Variants in SUPT20H observed in about 807,000 individuals in gnomAD.
The protein encoded by SUPT20H is SPT20 homolog, SAGA complex component.
SUPT20H carries 82 observed loss-of-function variants against 122.8 expected under a neutral mutation model. The observed-to-expected ratio is 0.67, with a 90% CI of 0.56 to 0.80. SUPT20H has a LOEUF of 0.80. Among genes scored for constraint, SUPT20H ranks in the 30% least tolerant of loss-of-function variants. The pLI, the probability that SUPT20H is intolerant of heterozygous loss-of-function variation, is 0.00. For synonymous variants in SUPT20H, 291 were observed against 313.0 expected (o/e 0.93, Z 0.74); for missense variants, 831 against 921.6 (o/e 0.90, Z 1.27).
At chr13:37,012,023 G>GA (rs968918656) in intron 24 of SUPT20H, among the ~76,000 whole-genome samples, 169 bp downstream of exon 24, 18 of 151,774 alleles carry the variant, frequency 1.2e-4, no homozygotes, top group African/African-American at 1.7e-4. Flanking sequence ...CACTATCAAT[G>GA]AAAAAAAATC....
At chr13:37,053,499 A>C (rs2068202451) in intron 1 of SUPT20H, among the ~76,000 whole-genome samples, 1 of 151,896 alleles carries the variant, frequency 6.6e-6, no homozygotes, top group African/African-American at 2.4e-5. Flanking sequence ...CAGGGAGGGG[A>C]ACATCACACG....
chr13:37,019,264 G>GATA (rs1398746752), intron 22 of SUPT20H, 78 bp downstream of exon 22: 1 of 1,053,508 alleles, frequency 9.5e-7, no homozygotes, highest in Non-Finnish European at 1.4e-6. Context: ...TTCAAGTGCT[G>GATA]ATACATATAG....
In SUPT20H at chr13:37,025,306, T is replaced by C. The variant is rs375854192; in HGVS notation, c.1329+14A>G. 482 of 1,572,870 alleles carry C rather than the reference T, an allele frequency of 3.1e-4. No individual in the cohort carries two copies. The highest frequency in any genetic ancestry group is 4.1e-4 in the Non-Finnish European group (464 of 1,142,716). On this transcript the variant is annotated intron_variant, in intron 17 of 25. Coordinates refer to ENST00000350612, the MANE Select transcript of SUPT20H (RefSeq NM_001014286.3). ...AACAACTGGGCACAAAGAAGTAACA[T>C]TAATGAAACACACATCTGTTTCTTT...
intron 13 of SUPT20H, 116 bp from the exon 14 acceptor site, chr13:37,028,421 C>T: frequency 2.2e-6 from 2 of 926,930 alleles, no homozygotes; most frequent in Non-Finnish European, 3.2e-6. Flanking sequence ...GGAAGACACA[C>T]AGCACTTAGG....
intron 10 of SUPT20H, among the ~76,000 whole-genome samples, 169 bp downstream of exon 10, chr13:37,033,280 C>T (rs1353191991): frequency 6.6e-6 from 1 of 151,946 alleles, no homozygotes; most frequent in Non-Finnish European, 1.5e-5. Context: ...GTGGGAGGAT[C>T]ACTTGAGGCC....
chr13:37,019,730 G>A (rs529809963), intron 21 of SUPT20H, among the ~76,000 whole-genome samples: 164 of 152,226 alleles, frequency 1.1e-3, no homozygotes, highest in Non-Finnish European at 1.6e-3. Flanking sequence ...TCACTGCTGT[G>A]CAAATACATT....
chr13:37,035,339 T>C (rs886250702), intron 9 of SUPT20H, among the ~76,000 whole-genome samples: 3 of 152,154 alleles, frequency 2.0e-5, no homozygotes, highest in Non-Finnish European at 4.4e-5. Flanking sequence ...TGGGAGAAGT[T>C]GATTCCAACC....
chr13:37,036,469 C>T (rs1348632441), intron 9 of SUPT20H, among the ~76,000 whole-genome samples: 6 of 151,938 alleles, frequency 3.9e-5, no homozygotes, highest in Admixed American at 6.6e-5. Context: ...GGACTACAAG[C>T]GCACGCCACC....
intron 2 of SUPT20H, among the ~76,000 whole-genome samples, chr13:37,050,514 A>G (rs1470711034): frequency 6.6e-6 from 1 of 152,166 alleles, no homozygotes; most frequent in Non-Finnish European, 1.5e-5. Context: ...GTTCTTTTAA[A>G]TTTTGCCCAT....
chr13:37,021,317 T>C, intron 21 of SUPT20H, 131 bp downstream of exon 21: 1 of 987,002 alleles, frequency 1.0e-6, no homozygotes. Flanking sequence ...GCTTTTTAAG[T>C]GAAATATATG....
chr13:37,031,730 T>C lies in SUPT20H; in HGVS notation c.864+9A>G, dbSNP rs1411307532. On this transcript the variant is annotated intron_variant, in intron 11 of 25. Transcript: ENST00000350612. ...CATAATAAGCTTCATTTAAAATATA[T>C]ATACTTACATTTCCTGCCTTAGAAA... The C allele has an allele frequency of 4.4e-6, 7 of 1,581,504 alleles. No homozygotes were observed. The highest frequency in any genetic ancestry group is 6.0e-6 in the Non-Finnish European group (7 of 1,169,486).
intron 23 of SUPT20H, among the ~76,000 whole-genome samples, chr13:37,014,360 T>C (rs1432775731): frequency 2.0e-5 from 3 of 152,062 alleles, no homozygotes; most frequent in African/African-American, 7.2e-5. Flanking sequence ...GAAAAGGATA[T>C]AGAAGACCTG....
intron 13 of SUPT20H, 53 bp downstream of exon 13, chr13:37,029,712 G>C: frequency 6.7e-7 from 1 of 1,488,908 alleles, no homozygotes; most frequent in South Asian, 1.2e-5. Flanking sequence ...TAAATTCAGA[G>C]GCCAGATTAG....
chr13:37,022,662 C>T lies in SUPT20H; in HGVS notation c.1592-582G>A, dbSNP rs1382915753. On this transcript the variant is annotated intron_variant, in intron 19 of 25. Transcript: ENST00000350612. The surrounding 1 kb of genome is among the most constrained non-coding windows in gnomAD (Gnocchi z 4.5). ...CGAATTCAAATTAATTTGTTATTTA[C>T]GATTTCACTAATTCAAGACTTCATT... is the stretch of plus-strand genomic sequence containing the variant. 5 of 1,012,100 alleles carry T rather than the reference C, an allele frequency of 4.9e-6. No individual in the cohort carries two copies. The highest frequency in any genetic ancestry group is 5.6e-5 in the Admixed American group (1 of 17,940). The allele number at this position is 1,012,100 out of a possible 1,614,324, so 62.7% of individuals were successfully genotyped here.
intron 23 of SUPT20H, 110 bp from the exon 24 acceptor site, chr13:37,012,407 C>T (rs2059765671): frequency 2.9e-6 from 2 of 700,472 alleles, no homozygotes; most frequent in South Asian, 2.0e-5. Context: ...TTAGACTAGT[C>T]TTGTAAAAAG....
At chr13:37,046,547 G>C (rs1318595398) in intron 5 of SUPT20H, among the ~76,000 whole-genome samples, 1 of 152,078 alleles carries the variant, frequency 6.6e-6, no homozygotes, top group Non-Finnish European at 1.5e-5. Flanking sequence ...AGGTGTGATG[G>C]GTTCCAATAA....
At chr13:37,046,136 T>C (rs1015901806) in intron 5 of SUPT20H, among the ~76,000 whole-genome samples, 1 of 152,086 alleles carries the variant, frequency 6.6e-6, no homozygotes, top group African/African-American at 2.4e-5. Flanking sequence ...ATTAAACATA[T>C]ATCATACACA....
intron 10 of SUPT20H, among the ~76,000 whole-genome samples, chr13:37,032,361 A>G (rs895731543): frequency 2.0e-5 from 3 of 152,170 alleles, no homozygotes; most frequent in African/African-American, 7.2e-5. Context: ...ACAGGCATGT[A>G]AGACTCCGGA....
At chr13:37,031,518 A>G in intron 12 of SUPT20H, 49 bp downstream of exon 12, 29 of 1,317,258 alleles carry the variant, frequency 2.2e-5, no homozygotes, top group Non-Finnish European at 3.0e-5. Context: ...ACCGAATAGT[A>G]AAACTGAGAA....
Sources: gnomAD v4.1 joint callset for allele counts (sites outside exome capture counted in the v4.1 genomes callset) on GRCh38, gnomAD v4.1.1 for gene constraint, Gnocchi (gnomAD v3.1) non-coding constraint, MANE v1.5 for transcripts, NCBI Gene and HGNC (gene_info 2026-07-23, HGNC 2026-07-21) for gene names.